The following LAMA1 variants were observed in gnomAD, a reference collection of about 807,000 sequenced individuals.
LAMA1 encodes laminin subunit alpha 1.
A neutral mutation model predicts 348.7 loss-of-function variants in LAMA1; 219 were observed. The ratio of observed to expected loss-of-function variants is 0.63; its 90% CI spans 0.56 to 0.70. LAMA1 has a LOEUF of 0.70. Ranked by LOEUF, LAMA1 falls within the 30% of genes least tolerant of loss-of-function variation. The probability of loss-of-function intolerance (pLI) is 0.00; values close to 1 mark genes in which losing one functional copy is unlikely to be tolerated. For missense variants in LAMA1, 3,744 were observed against 3,888.0 expected (o/e 0.96, Z 0.99); for synonymous variants, 1,487 against 1,491.0 (o/e 1.00, Z 0.06).
At chr18:7,039,291 G>T (rs2058010269) in intron 10 of LAMA1, among the ~76,000 whole-genome samples, 1 of 152,112 alleles carries the variant, frequency 6.6e-6, no homozygotes, top group Admixed American at 6.5e-5. Context: ...AAATGCTCAA[G>T]ATTATTTCCA....
At position 6,994,556 on chromosome 18, in the gene LAMA1, C is replaced by T. The variant is rs552664577; in HGVS notation, c.4896+801G>A. 6.6e-5 allele frequency among the ~76,000 whole-genome samples: 10 copies of T among 152,160 alleles called. No homozygotes were observed. In the East Asian group the frequency reaches 1.4e-3, roughly 21 times the overall value. On this transcript the variant is annotated intron_variant, in intron 34 of 62. Transcript: ENST00000389658. ...AACCCTTCAACTCTTTCCAAAACAT[C>T]GTTAATTCTAAATTAACAGGAGCCA...
chr18:6,976,588 ATATT>A (rs66905104), intron 44 of LAMA1, among the ~76,000 whole-genome samples: 32,205 of 147,630 alleles, frequency 0.22, 3,733 homozygotes, highest in East Asian at 0.3. Flanking sequence ...CCTTGGGCTT[ATATT>A]TATTTATTTA....
At chr18:7,110,308 A>G (rs902723473) in intron 1 of LAMA1, among the ~76,000 whole-genome samples, 2 of 152,190 alleles carry the variant, frequency 1.3e-5, no homozygotes, top group Admixed American at 1.3e-4. Flanking sequence ...TCAAGGAAAG[A>G]AACAAAATTA....
At chr18:7,022,869 G>A (rs1357505446) in intron 19 of LAMA1, among the ~76,000 whole-genome samples, 2 of 152,158 alleles carry the variant, frequency 1.3e-5, no homozygotes, top group African/African-American at 4.8e-5. Flanking sequence ...TTTCATTTCA[G>A]TCACGGGGAG....
At chr18:7,004,383 G>A (rs1328759164) in intron 29 of LAMA1, among the ~76,000 whole-genome samples, 20 of 151,786 alleles carry the variant, frequency 1.3e-4, no homozygotes, top group Admixed American at 1.1e-3. Flanking sequence ...GTGGAGTTTC[G>A]CTCCTGTTGC....
chr18:7,009,116 G>T, intron 27 of LAMA1, 123 bp downstream of exon 27: 4 of 1,050,930 alleles, frequency 3.8e-6, no homozygotes, highest in South Asian at 1.3e-5. Context: ...ACAATGTTTT[G>T]GTAAGGAACT....
chr18:7,007,434 G>T (rs2057837447), intron 28 of LAMA1, among the ~76,000 whole-genome samples, 158 bp from the exon 29 acceptor site: 1 of 150,872 alleles, frequency 6.6e-6, no homozygotes, highest in African/African-American at 2.4e-5. Flanking sequence ...AAAACACAAG[G>T]TGATGCCACC....
At chr18:7,058,448 T>C (rs1417058414) in intron 3 of LAMA1, among the ~76,000 whole-genome samples, 1 of 152,202 alleles carries the variant, frequency 6.6e-6, no homozygotes, top group Non-Finnish European at 1.5e-5. Flanking sequence ...TGCCCTGTTA[T>C]GGGCTGAACT....
Position 6,999,649 on chromosome 18 carries a change from G to C in LAMA1, c.4470-11C>G, listed in dbSNP as rs745708663. 7.5e-6 allele frequency: 12 copies of C among 1,603,316 alleles called. No individual in the cohort carries two copies. The South Asian group carries it at 1.1e-4, about 15-fold the overall frequency. On this transcript the variant is annotated splice_polypyrimidine_tract_variant and intron_variant, in intron 31 of 62. Coordinates refer to ENST00000389658, the MANE Select transcript of LAMA1 (RefSeq NM_005559.4). Reference sequence around the variant, plus strand: ...TAGCTTGAGGAGCACCTACAGAAAGGAAGGGACATAGGTGCAGACAGGATG... The same window carrying C: ...TAGCTTGAGGAGCACCTACAGAAAGCAAGGGACATAGGTGCAGACAGGATG...
intron 11 of LAMA1, 88 bp from the exon 12 acceptor site, chr18:7,037,839 G>A: frequency 7.4e-7 from 1 of 1,350,144 alleles, no homozygotes; most frequent in Non-Finnish European, 1.0e-6. Context: ...TCACAATGAA[G>A]AAATGGGCCA....
chr18:6,970,758 A>G (rs1360964421), intron 48 of LAMA1, among the ~76,000 whole-genome samples: 2 of 151,894 alleles, frequency 1.3e-5, no homozygotes, highest in East Asian at 3.9e-4. Flanking sequence ...GACTACATGC[A>G]TGTGCCACCA....
chr18:7,072,913 C>T (rs1156663441), intron 3 of LAMA1, among the ~76,000 whole-genome samples: 1 of 152,156 alleles, frequency 6.6e-6, no homozygotes, highest in Non-Finnish European at 1.5e-5. Flanking sequence ...ACTTCCGGGT[C>T]CTATCAGCCT....
chr18:7,067,750 A>G (rs903544536), intron 3 of LAMA1, among the ~76,000 whole-genome samples: 16 of 152,202 alleles, frequency 1.1e-4, no homozygotes, highest in Middle Eastern at 3.2e-3. Context: ...TGTCAGCTCC[A>G]CAGACATGCC....
At chr18:6,957,868 C>T (rs2057587522) in intron 55 of LAMA1, among the ~76,000 whole-genome samples, 1 of 152,032 alleles carries the variant, frequency 6.6e-6, no homozygotes, top group Admixed American at 6.6e-5. Context: ...TGCACCTCCG[C>T]CTCCCGGGTT....
At chr18:7,077,206 T>C (rs1241096191) in intron 3 of LAMA1, among the ~76,000 whole-genome samples, 1 of 145,506 alleles carries the variant, frequency 6.9e-6, no homozygotes, top group African/African-American at 2.5e-5. Flanking sequence ...TTTCTTTTTT[T>C]TTTTTTTTTT....
chr18:7,090,419 A>C (rs1030635546), intron 1 of LAMA1, among the ~76,000 whole-genome samples: 12 of 152,228 alleles, frequency 7.9e-5, no homozygotes, highest in African/African-American at 2.9e-4. Context: ...TTTTTAAGGA[A>C]GGTGACTTGA....
chr18:6,958,061 A>G (rs1039878947), intron 55 of LAMA1, among the ~76,000 whole-genome samples: 1 of 152,076 alleles, frequency 6.6e-6, no homozygotes, highest in Non-Finnish European at 1.5e-5. Context: ...GTTCTTAATT[A>G]TACAGTAATT....
chr18:6,983,563 G>A (rs79596135), intron 39 of LAMA1, among the ~76,000 whole-genome samples: 19,555 of 152,012 alleles, frequency 0.13, 1,273 homozygotes, highest in South Asian at 0.15. Flanking sequence ...AATCCCCTGC[G>A]CGTGTCTAGG....
chr18:7,014,254 GGCACATGC>G (rs2057875169), intron 22 of LAMA1, among the ~76,000 whole-genome samples: 1 of 152,158 alleles, frequency 6.6e-6, no homozygotes, highest in East Asian at 1.9e-4. Context: ...GCATCTTAGT[GGCACATGC>G]GCACGGGGCC....
Sources: gnomAD v4.1 joint callset for allele counts (sites outside exome capture counted in the v4.1 genomes callset) on GRCh38, gnomAD v4.1.1 for gene constraint, MANE v1.5 for transcripts, NCBI Gene and HGNC (gene_info 2026-07-23, HGNC 2026-07-21) for gene names.